The following ADK variants were observed in gnomAD, a reference collection of about 807,000 sequenced individuals.
ADK encodes N6,N6-dimethyladenosine kinase.
A neutral mutation model predicts 44.7 loss-of-function variants in ADK; 24 were observed. The ratio of observed to expected loss-of-function variants is 0.54; its 90% CI spans 0.39 to 0.76. The LOEUF (loss-of-function observed/expected upper bound fraction) is 0.76, where lower values mean the gene tolerates loss of function less well. ADK is among the 30% of genes least tolerant of loss of function. The pLI is 0.00. For missense variants in ADK, 321 were observed against 425.1 expected, an observed-to-expected ratio of 0.76 and a Z score of 2.15; for synonymous variants, 128 against 142.6, an observed-to-expected ratio of 0.90 and a Z score of 0.73.
chr10:74,642,861 TCTCA>T (rs1457415631), intron 9 of ADK, among the ~76,000 whole-genome samples: 1 of 140,606 alleles, frequency 7.1e-6, no homozygotes. Context: ...TAAGACAGGG[TCTCA>T]CTCAGTCACT....
At chr10:74,358,222 C>T (rs1842209288) in intron 4 of ADK, among the ~76,000 whole-genome samples, 1 of 152,108 alleles carries the variant, frequency 6.6e-6, no homozygotes, top group Non-Finnish European at 1.5e-5. Flanking sequence ...ATATTTATGT[C>T]AAGTGACAGG....
At chr10:74,431,520 C>T (rs1335380263) in intron 6 of ADK, among the ~76,000 whole-genome samples, 1 of 152,126 alleles carries the variant, frequency 6.6e-6, no homozygotes, top group Non-Finnish European at 1.5e-5. Context: ...GTGGGCAGAT[C>T]ACTTGAGGTC....
At chr10:74,559,850 T>C (rs1269526287) in intron 7 of ADK, among the ~76,000 whole-genome samples, 1 of 151,184 alleles carries the variant, frequency 6.6e-6, no homozygotes, top group Non-Finnish European at 1.5e-5. Context: ...ACTAAGTTTT[T>C]TCATGTTGTT....
At chr10:74,267,593 T>C (rs902569269) in intron 3 of ADK, among the ~76,000 whole-genome samples, 1 of 152,156 alleles carries the variant, frequency 6.6e-6, no homozygotes, top group African/African-American at 2.4e-5. Flanking sequence ...CATACTGGCT[T>C]AAGTAAATGG....
At chr10:74,667,430 T>A (rs61862566) in intron 9 of ADK, among the ~76,000 whole-genome samples, 65,130 of 151,288 alleles carry the variant, frequency 0.43, 16,061 homozygotes, top group Middle Eastern at 0.6. Context: ...AGTATCTCAA[T>A]GATGTGTGTG....
intron 7 of ADK, among the ~76,000 whole-genome samples, chr10:74,579,233 T>TAA (rs10719538): frequency 1.9e-4 from 27 of 141,508 alleles, no homozygotes; most frequent in Middle Eastern, 3.6e-3. Context: ...GACCCTGTCT[T>TAA]AAAAAAAAAA....
At chr10:74,471,149 A>G (rs1238167402) in intron 6 of ADK, among the ~76,000 whole-genome samples, 1 of 149,726 alleles carries the variant, frequency 6.7e-6, no homozygotes, top group Non-Finnish European at 1.5e-5. Flanking sequence ...ATCTCTGCTC[A>G]CTGCAAGCTC....
chr10:74,499,427 G>A (rs150444015), intron 6 of ADK, among the ~76,000 whole-genome samples: 2,621 of 152,268 alleles, frequency 0.017, 24 homozygotes, highest in Non-Finnish European at 0.027. Flanking sequence ...AATGGCTCAC[G>A]CCTGTAATCC....
At chr10:74,536,530 A>G (rs945769594) in intron 7 of ADK, among the ~76,000 whole-genome samples, 1 of 151,696 alleles carries the variant, frequency 6.6e-6, no homozygotes, top group African/African-American at 2.4e-5. Context: ...ACTATTTTTA[A>G]GTGTACAAAT....
intron 9 of ADK, among the ~76,000 whole-genome samples, chr10:74,629,004 G>A (rs947185758): frequency 6.6e-6 from 1 of 151,932 alleles, no homozygotes; most frequent in Non-Finnish European, 1.5e-5. Flanking sequence ...TCATCACAAC[G>A]TACATCTGGA....
chr10:74,235,915 G>A (rs1166076970), intron 3 of ADK, among the ~76,000 whole-genome samples: 2 of 152,182 alleles, frequency 1.3e-5, no homozygotes, highest in African/African-American at 4.8e-5. Context: ...GGCCCCTCAA[G>A]CACTTGCTTG....
chr10:74,699,788 A>T (rs2134298535), intron 10 of ADK, among the ~76,000 whole-genome samples: 1 of 152,354 alleles, frequency 6.6e-6, no homozygotes, highest in Non-Finnish European at 1.5e-5. Context: ...ATATAAAAAG[A>T]TGTTCAGCTT....
intron 10 of ADK, among the ~76,000 whole-genome samples, chr10:74,688,944 T>A (rs1855886417): frequency 6.7e-6 from 1 of 148,224 alleles, no homozygotes; most frequent in African/African-American, 2.5e-5. Flanking sequence ...CTACCTTTAG[T>A]ATCACTTAAA....
intron 9 of ADK, among the ~76,000 whole-genome samples, chr10:74,667,456 A>T (rs1490500226): frequency 1.3e-5 from 2 of 151,770 alleles, no homozygotes; most frequent in Non-Finnish European, 2.9e-5. Flanking sequence ...ATATATATAT[A>T]TATATCTCCA....
At chr10:74,344,313 T>G (rs546252594) in intron 4 of ADK, among the ~76,000 whole-genome samples, 1 of 152,358 alleles carries the variant, frequency 6.6e-6, no homozygotes, top group South Asian at 2.1e-4. Flanking sequence ...TCTATGCTGC[T>G]GAATCTTAAG....
chr10:74,529,440 G>A (rs1849196261), intron 7 of ADK: 1 of 152,054 alleles, frequency 6.6e-6, no homozygotes, highest in Non-Finnish European at 1.5e-5. Context: ...AATGGATAGT[G>A]GTGATAGTTG....
intron 6 of ADK, among the ~76,000 whole-genome samples, chr10:74,424,976 A>C (rs1226502850): frequency 6.6e-6 from 1 of 152,172 alleles, no homozygotes; most frequent in Non-Finnish European, 1.5e-5. Context: ...TAATATTTAA[A>C]GCTTATGCAG....
chr10:74,688,794 T>C (rs1439625559), intron 10 of ADK, among the ~76,000 whole-genome samples: 1 of 152,128 alleles, frequency 6.6e-6, no homozygotes, highest in East Asian at 1.9e-4. Context: ...CAAACACCTG[T>C]AGTCCCAGTT....
Position 74,151,230 on chromosome 10 carries a change from T to G in ADK, c.-49T>G, listed in dbSNP as rs1478482272. The G allele has an allele frequency of 1.4e-5, 22 of 1,541,824 alleles. No individual in the cohort carries two copies. In the East Asian group the frequency reaches 5.2e-4, roughly 36 times the overall value. ...GCGAAGAGGGGGCGGGACCAGAGAG[T>G]GGATGGCAGAGGTGGGCTGTAGAGC... On this transcript the variant is annotated 5_prime_UTR_variant, in exon 1 of 11. Transcript: ENST00000539909.
Sources: gnomAD v4.1 joint callset for allele counts (sites outside exome capture counted in the v4.1 genomes callset) on GRCh38, gnomAD v4.1.1 for gene constraint, MANE v1.5 for transcripts, NCBI Gene and HGNC (gene_info 2026-07-23, HGNC 2026-07-21) for gene names.